PTK2: variants seen among roughly 807,000 people sequenced by gnomAD.
PTK2 encodes the protein focal adhesion kinase 1.
A neutral mutation model predicts 150.1 loss-of-function variants in PTK2; 45 were observed. That is an observed-to-expected ratio of 0.30 (90% confidence interval 0.24 to 0.38). The LOEUF (loss-of-function observed/expected upper bound fraction) is 0.38. Among genes scored for constraint, PTK2 ranks in the 10% least tolerant of loss-of-function variants. PTK2 has a pLI of 1.00. For missense variants in PTK2, 919 were observed against 1,307.3 expected, an observed-to-expected ratio of 0.70 and a Z score of 4.58; for synonymous variants, 432 against 449.2, an observed-to-expected ratio of 0.96 and a Z score of 0.48.
intron 1 of PTK2, among the ~76,000 whole-genome samples, chr8:140,927,940 G>GAAAAAAAAAAAAAAAAAAAAAAAAA (rs779534564): frequency 2.8e-5 from 1 of 36,274 alleles, no homozygotes; most frequent in African/African-American, 1.1e-4. Flanking sequence ...ATCTCAAAAA[G>GAAAAAAAAAAAAAAAAAAAAAAAAA]AAAAAAAAAA....
intron 1 of PTK2, among the ~76,000 whole-genome samples, chr8:140,992,293 G>GAA (rs397949814): frequency 4.1e-5 from 5 of 120,620 alleles, no homozygotes; most frequent in East Asian, 2.4e-4. Context: ...CTTCATCTCG[G>GAA]AAAAAAAAAA....
chr8:140,780,667 T>A lies in PTK2; in HGVS notation c.1177+8807A>T, dbSNP rs1398321373. On this transcript the variant is annotated intron_variant, in intron 14 of 31. Transcript: ENST00000522684. ...TCACAAAGTACTTCTTGTCTGATTC[T>A]TGTTTAGACGAAACCACATATGAAA... Among the ~76,000 whole-genome samples the A allele has an allele frequency of 7.9e-5, 12 of 152,264 alleles. 1 individual carries two copies.
chr8:140,751,990 A>G (rs748531130), intron 17 of PTK2: 26 of 656,600 alleles, frequency 4.0e-5, no homozygotes, highest in Non-Finnish European at 6.8e-5. Flanking sequence ...GTAATGGCCT[A>G]AGTACCAAAG....
At chr8:140,922,888 A>C (rs548693517) in intron 2 of PTK2, among the ~76,000 whole-genome samples, 3 of 152,278 alleles carry the variant, frequency 2.0e-5, no homozygotes, top group Admixed American at 1.3e-4. Flanking sequence ...TTTTAGTCAG[A>C]CTGAACACCT....
chr8:140,864,371 T>C (rs1226596183), exon 5 of PTK2: 2 of 1,594,816 alleles, frequency 1.3e-6, no homozygotes, highest in Non-Finnish European at 1.7e-6. Context: ...AGAAATCCTT[T>C]TGGCAAATAA....
rs137995148 is a variant in PTK2 at position 140,889,752 on chromosome 8, C to G, written c.195+791G>C. On this transcript the variant is annotated intron_variant, in intron 3 of 31. Transcript: ENST00000522684. ...AGGGTAAGAAAGAGGAGGTATTTAA[C>G]ACTTCATCAAAGCAAATACTGAACA... Among the ~76,000 whole-genome samples the G allele has an allele frequency of 3.3e-5, 5 of 152,080 alleles. No homozygotes were observed. In the South Asian group the frequency reaches 1.0e-3, roughly 32 times the overall value.
intron 17 of PTK2, among the ~76,000 whole-genome samples, chr8:140,749,439 G>C (rs1419843620): frequency 2.6e-5 from 4 of 152,188 alleles, no homozygotes; most frequent in African/African-American, 9.7e-5. Context: ...AAGGCTAAGA[G>C]AGTCTTGTGG....
At chr8:141,000,087 T>TTACACACA (rs1555522725) in intron 1 of PTK2, among the ~76,000 whole-genome samples, 1 of 81,608 alleles carries the variant, frequency 1.2e-5, no homozygotes, top group African/African-American at 7.1e-5. Context: ...TGAAACCAAT[T>TTACACACA]CACACACACA....
chr8:140,956,894 T>C (rs1280034516), intron 1 of PTK2, among the ~76,000 whole-genome samples: 1 of 151,968 alleles, frequency 6.6e-6, no homozygotes, highest in East Asian at 1.9e-4. Context: ...AAACCCTGTC[T>C]CTACTAAAAA....
chr8:140,941,131 G>C (rs1470301086), intron 1 of PTK2, among the ~76,000 whole-genome samples: 3 of 152,104 alleles, frequency 2.0e-5, no homozygotes, highest in East Asian at 3.9e-4. Context: ...ACACCAACCG[G>C]AACTGTCACC....
At chr8:140,823,654 T>C (rs757102455) in intron 8 of PTK2, among the ~76,000 whole-genome samples, 11 of 152,154 alleles carry the variant, frequency 7.2e-5, no homozygotes, top group Non-Finnish European at 1.5e-4. Context: ...ACTCTGAACT[T>C]ACTCTTTCCT....
intron 1 of PTK2, among the ~76,000 whole-genome samples, chr8:140,981,811 C>G (rs565985841): frequency 3.9e-5 from 6 of 152,232 alleles, no homozygotes; most frequent in Admixed American, 2.6e-4. Flanking sequence ...TGTTTACTGT[C>G]TAGCCCTTCA....
At chr8:140,678,939 T>G (rs73714723) in intron 27 of PTK2, among the ~76,000 whole-genome samples, 4 of 149,800 alleles carry the variant, frequency 2.7e-5, no homozygotes, top group Non-Finnish European at 4.4e-5. Context: ...ATTTAAAAAA[T>G]TTTTAAATTT....
intron 17 of PTK2, chr8:140,750,310 A>G (rs570110690): frequency 6.6e-5 from 10 of 152,238 alleles, no homozygotes; most frequent in Non-Finnish European, 1.5e-4. Context: ...AATGACAAAC[A>G]TCTACCAGGT....
chr8:140,862,764 C>CA (rs1433458177), intron 5 of PTK2, among the ~76,000 whole-genome samples: 1 of 152,180 alleles, frequency 6.6e-6, no homozygotes, highest in Non-Finnish European at 1.5e-5. Flanking sequence ...CTAGGTTGCG[C>CA]ATTCCTTATG....
At chr8:140,809,043 C>T (rs58150317) in intron 10 of PTK2, among the ~76,000 whole-genome samples, 4,374 of 152,044 alleles carry the variant, frequency 0.029, 227 homozygotes, top group African/African-American at 0.1. Context: ...AAAGATAAAA[C>T]TTCAAATGAG....
chr8:140,805,402 T>C (rs2100097624), intron 10 of PTK2, among the ~76,000 whole-genome samples: 1 of 151,770 alleles, frequency 6.6e-6, no homozygotes. Flanking sequence ...CTACTAAAAA[T>C]ACAAAAATTA....
At chr8:140,985,199 C>T (rs2100192862) in intron 1 of PTK2, among the ~76,000 whole-genome samples, 1 of 152,152 alleles carries the variant, frequency 6.6e-6, no homozygotes, top group African/African-American at 2.4e-5. Context: ...TCATAACTCA[C>T]TGCAGCCTCA....
intron 1 of PTK2, among the ~76,000 whole-genome samples, chr8:140,947,027 A>C (rs2100177927): frequency 6.6e-6 from 1 of 152,236 alleles, no homozygotes; most frequent in African/African-American, 2.4e-5. Flanking sequence ...ACCAGACTAC[A>C]CCTGGACTGC....
Sources: allele counts gnomAD v4.1 joint callset (sites outside exome capture counted in the v4.1 genomes callset), GRCh38; gene constraint gnomAD v4.1.1; transcripts MANE v1.5; gene names NCBI Gene and HGNC (gene_info 2026-07-23, HGNC 2026-07-21).